ZFAND3: variants seen among roughly 807,000 people sequenced by gnomAD.
ZFAND3 encodes zinc finger AN1-type containing 3, also known as AN1-type zinc finger protein 3.
A neutral mutation model predicts 29.6 loss-of-function variants in ZFAND3; 10 were observed. The observed-to-expected ratio is 0.34, with a 90% confidence interval of 0.21 to 0.57. The LOEUF is 0.57. Ranked by LOEUF, ZFAND3 falls within the 20% of genes least tolerant of loss-of-function variation. The probability of loss-of-function intolerance (pLI) is 0.86; values close to 1 mark genes in which losing one functional copy is unlikely to be tolerated. For missense variants in ZFAND3, 230 were observed against 304.5 expected, an observed-to-expected ratio of 0.76 and a Z score of 1.82; for synonymous variants, 128 against 112.6, an observed-to-expected ratio of 1.14 and a Z score of -0.87.
chr6:37,841,570 G>A (rs1764076269), intron 1 of ZFAND3, among the ~76,000 whole-genome samples: 1 of 152,124 alleles, frequency 6.6e-6, no homozygotes, highest in Admixed American at 6.5e-5. Context: ...TGCAAGCTCT[G>A]CCTCCCGGGT....
chr6:37,921,719 A>C (rs1016490844), intron 1 of ZFAND3, among the ~76,000 whole-genome samples: 5 of 152,120 alleles, frequency 3.3e-5, no homozygotes, highest in African/African-American at 9.7e-5. Context: ...TTAACAACAT[A>C]ATCATTTCTG....
chr6:38,129,430 T>C (rs1171939885), intron 5 of ZFAND3, among the ~76,000 whole-genome samples: 2 of 152,332 alleles, frequency 1.3e-5, no homozygotes, highest in Non-Finnish European at 2.9e-5. Context: ...TTTTCCAATG[T>C]TATCTTTTAG....
chr6:38,058,127 G>A (rs936545598), intron 2 of ZFAND3, among the ~76,000 whole-genome samples: 1 of 152,128 alleles, frequency 6.6e-6, no homozygotes, highest in African/African-American at 2.4e-5. Context: ...TGTGTGGGTG[G>A]GACCTGGTAT....
intron 2 of ZFAND3, among the ~76,000 whole-genome samples, chr6:37,996,455 C>A (rs1446824587): frequency 6.6e-6 from 1 of 152,146 alleles, no homozygotes; most frequent in Non-Finnish European, 1.5e-5. Flanking sequence ...GTTAACAGAA[C>A]TAATAGTTTA....
At chr6:38,143,840 G>A (rs1766012837) in intron 5 of ZFAND3, among the ~76,000 whole-genome samples, 2 of 152,138 alleles carry the variant, frequency 1.3e-5, no homozygotes. Context: ...CCCCTACCAT[G>A]CAAAGCCAGG....
At chr6:38,143,937 G>A (rs1562015484) in intron 5 of ZFAND3, among the ~76,000 whole-genome samples, 2 of 151,996 alleles carry the variant, frequency 1.3e-5, no homozygotes, top group South Asian at 4.1e-4. Flanking sequence ...GAAATAAAAT[G>A]CATTTAGATC....
intron 2 of ZFAND3, among the ~76,000 whole-genome samples, chr6:37,983,770 G>A (rs1762620150): frequency 4.6e-5 from 7 of 152,038 alleles, no homozygotes; most frequent in Admixed American, 4.6e-4. Flanking sequence ...ATTCAGTACA[G>A]TAACATGCTT....
At chr6:37,822,316 C>T (rs999802630) in intron 1 of ZFAND3, among the ~76,000 whole-genome samples, 4 of 152,168 alleles carry the variant, frequency 2.6e-5, no homozygotes, top group African/African-American at 9.7e-5. Context: ...GACCACAAAA[C>T]TAGTATTTTT....
chr6:37,830,495 G>A (rs1763840489), intron 1 of ZFAND3, among the ~76,000 whole-genome samples: 1 of 152,226 alleles, frequency 6.6e-6, no homozygotes, highest in African/African-American at 2.4e-5. Context: ...ATCACAGGAT[G>A]ACAGCTGAGA....
At chr6:38,086,408 A>G (rs1265121966) in intron 4 of ZFAND3, among the ~76,000 whole-genome samples, 1 of 152,202 alleles carries the variant, frequency 6.6e-6, no homozygotes, top group South Asian at 2.1e-4. Flanking sequence ...TGAAGAGTTG[A>G]AAAGTACTGC....
Position 37,897,889 on chromosome 6 carries a change from G to A in ZFAND3, c.72-32070G>A, listed in dbSNP as rs73419453. Among the ~76,000 whole-genome samples the A allele has an allele frequency of 1.4e-3, 217 of 152,270 alleles. 1 individual carries two copies. The highest frequency in any genetic ancestry group is 4.4e-3 in the African/African-American group (181 of 41,558). On this transcript the variant is annotated intron_variant, in intron 1 of 5. Transcript: ENST00000287218. ...AACACACAAAATAAATAAATTGGGA[G>A]TCAGTCTTCTTATTGATTTATAGTT...
In ZFAND3 at chr6:37,967,762, T is replaced by C. The variant is rs143550973; in HGVS notation, c.112+37763T>C. Among the ~76,000 whole-genome samples the C allele has an allele frequency of 8.3e-4, 127 of 152,300 alleles. 2 individuals are homozygous for C. In the East Asian group the frequency reaches 0.021, roughly 26 times the overall value. ...ATGCTAAATGATTGGTCTTCTCTTGTATGTTGCCAACCTCCCATCTTTGAC... is the reference window on the plus strand; with the variant it reads ...ATGCTAAATGATTGGTCTTCTCTTGCATGTTGCCAACCTCCCATCTTTGAC... On this transcript the variant is annotated intron_variant, in intron 2 of 5. Transcript: ENST00000287218.
At chr6:38,073,219 T>C (rs1246240813) in intron 3 of ZFAND3, among the ~76,000 whole-genome samples, 1 of 152,106 alleles carries the variant, frequency 6.6e-6, no homozygotes, top group Non-Finnish European at 1.5e-5. Context: ...TCCTGAAGCC[T>C]CTTAGGAAGA....
chr6:37,872,753 G>A (rs1764716702), intron 1 of ZFAND3, among the ~76,000 whole-genome samples: 1 of 152,190 alleles, frequency 6.6e-6, no homozygotes, highest in South Asian at 2.1e-4. Flanking sequence ...TGAATTTACT[G>A]TGATTAGTTT....
At chr6:38,103,524 C>CAT (rs1554181208) in intron 4 of ZFAND3, among the ~76,000 whole-genome samples, 5 of 37,948 alleles carry the variant, frequency 1.3e-4, no homozygotes, top group Admixed American at 5.3e-4. Flanking sequence ...TATATATACA[C>CAT]ATATATATAC....
chr6:37,988,014 G>A (rs1295623172), intron 2 of ZFAND3, among the ~76,000 whole-genome samples: 1 of 152,174 alleles, frequency 6.6e-6, no homozygotes, highest in African/African-American at 2.4e-5. Flanking sequence ...TCTTACAGAA[G>A]CATGCTTTAA....
intron 1 of ZFAND3, among the ~76,000 whole-genome samples, chr6:37,853,504 C>G (rs1210514650): frequency 6.7e-6 from 1 of 150,080 alleles, no homozygotes; most frequent in Non-Finnish European, 1.5e-5. Flanking sequence ...GTAACTCTTA[C>G]TACTAGAATT....
intron 2 of ZFAND3, among the ~76,000 whole-genome samples, chr6:37,968,559 A>C (rs991804397): frequency 3.9e-5 from 6 of 152,120 alleles, no homozygotes; most frequent in Non-Finnish European, 8.8e-5. Context: ...AGTTACTACG[A>C]GAGAGGCTTT....
intron 1 of ZFAND3, among the ~76,000 whole-genome samples, chr6:37,822,343 T>C (rs1346697065): frequency 6.6e-6 from 1 of 152,214 alleles, no homozygotes; most frequent in Non-Finnish European, 1.5e-5. Context: ...AAAAGTGTTC[T>C]TTTTGGTGCA....
Sources: gnomAD v4.1 joint callset for allele counts (sites outside exome capture counted in the v4.1 genomes callset) on GRCh38, gnomAD v4.1.1 for gene constraint, MANE v1.5 for transcripts, NCBI Gene and HGNC (gene_info 2026-07-23, HGNC 2026-07-21) for gene names.